The following DYM variants were observed in gnomAD, a reference collection of about 807,000 sequenced individuals.
The protein encoded by DYM is dyggve-Melchior-Clausen syndrome protein.
DYM carries 78 observed loss-of-function variants against 93.1 expected under a neutral mutation model. The observed-to-expected ratio is 0.84, with a 90% CI of 0.70 to 1.01. The LOEUF (loss-of-function observed/expected upper bound fraction) is 1.01. DYM is among the 50% of genes least tolerant of loss of function. DYM has a pLI of 0.00. For synonymous variants in DYM, 321 were observed against 319.7 expected, an observed-to-expected ratio of 1.00 and a Z score of -0.04; for missense variants, 789 against 845.0, an observed-to-expected ratio of 0.93 and a Z score of 0.82.
chr18:49,449,433 T>C (rs922376534), intron 1 of DYM, among the ~76,000 whole-genome samples: 34 of 152,186 alleles, frequency 2.2e-4, no homozygotes, highest in African/African-American at 7.2e-4. Context: ...TTGACAACCC[T>C]AACTGGAATC....
chr18:49,051,668 G>T (rs1159653838), intron 17 of DYM, among the ~76,000 whole-genome samples: 3 of 152,188 alleles, frequency 2.0e-5, no homozygotes, highest in Non-Finnish European at 2.9e-5. Flanking sequence ...AAAGGCTAAG[G>T]CTCCCAACTG....
rs1422449661 is a variant in DYM at position 49,272,209 on chromosome 18, T to A, written c.1220A>T (p.Asp407Val). The A allele has an allele frequency of 6.2e-7, 1 of 1,612,204 alleles. No individual in the cohort carries two copies. Among genetic ancestry groups the A allele is most frequent in the South Asian group, 1.1e-5 (1 of 91,026 alleles). Residue 407 changes from aspartate (D) to valine (V), a missense_variant, in exon 11 of 18, where the codon GAT becomes GTT. Asp to Val is a radical substitution (Grantham distance 152). Coordinates refer to ENST00000675505, the MANE Select transcript of DYM (RefSeq NM_001353214.3). ...ALIILLILTE[D>V]DGFNRSIHEV... ...ATGAATGGATCTGTTGAAGCCATCATCTTCCGTAAGGATCAACAATATTAT... is the reference window on the plus strand; with the variant it reads ...ATGAATGGATCTGTTGAAGCCATCAACTTCCGTAAGGATCAACAATATTAT...
rs1010966431 is a variant in DYM, at chr18:49,234,093, C to G, written c.1460+22917G>C. ...GCAGTGAGCCGTGATCGCACCACTG[C>G]ACTCCAGCCTGGGTAACAGAGCAAG... On this transcript the variant is annotated intron_variant, in intron 13 of 17. Transcript: ENST00000675505. Among the ~76,000 whole-genome samples the G allele has an allele frequency of 3.9e-5, 6 of 152,234 alleles. No homozygotes were observed. The East Asian group carries it at 5.8e-4, about 15-fold the overall frequency.
At chr18:49,453,349 C>T (rs558042750) in intron 1 of DYM, among the ~76,000 whole-genome samples, 2 of 152,288 alleles carry the variant, frequency 1.3e-5, no homozygotes, top group South Asian at 2.1e-4. Context: ...AGGTCCCCTT[C>T]CACACTGCGG....
chr18:49,362,713 C>T (rs1424674732), intron 6 of DYM, among the ~76,000 whole-genome samples: 1 of 152,178 alleles, frequency 6.6e-6, no homozygotes, highest in African/African-American at 2.4e-5. Flanking sequence ...CCTTCCCCTA[C>T]ATCTCACTGA....
intron 6 of DYM, among the ~76,000 whole-genome samples, chr18:49,336,052 G>A (rs2063644940): frequency 6.6e-6 from 1 of 152,130 alleles, no homozygotes; most frequent in Admixed American, 6.5e-5. Context: ...GTGCTCAAGT[G>A]ATCTGCCTGC....
intron 13 of DYM, among the ~76,000 whole-genome samples, chr18:49,236,353 G>A (rs531993918): frequency 9.9e-5 from 15 of 152,132 alleles, no homozygotes; most frequent in African/African-American, 3.1e-4. Flanking sequence ...GGTGGCAGGC[G>A]CCTGTAGTCC....
At chr18:49,267,926 T>C (rs2094599360) in intron 11 of DYM, among the ~76,000 whole-genome samples, 1 of 151,394 alleles carries the variant, frequency 6.6e-6, no homozygotes, top group African/African-American at 2.4e-5. Flanking sequence ...CAAACAAAAG[T>C]ATCAAATATC....
chr18:49,378,015 T>C (rs747377392), intron 5 of DYM, among the ~76,000 whole-genome samples: 1 of 152,178 alleles, frequency 6.6e-6, no homozygotes, highest in Non-Finnish European at 1.5e-5. Context: ...AAAGGAAAGA[T>C]TGTGTGAAGG....
Position 49,040,680 on chromosome 18 carries a change from A to G in DYM, c.*3375T>C, listed in dbSNP as rs574221485. ...TGATATTGCAGGATAGTGCCTAGGA[A>G]AGAATTAAGAGACCCAAAGGGTTGA... On this transcript the variant is annotated 3_prime_UTR_variant, in exon 18 of 18. Transcript: ENST00000675505. Among the ~76,000 whole-genome samples the G allele has an allele frequency of 6.6e-6, 1 of 152,278 alleles. No individual in the cohort carries two copies. Among genetic ancestry groups the G allele is most frequent in the African/African-American group, 2.4e-5 (1 of 41,558 alleles).
chr18:49,166,734 AT>A (rs2087924347), intron 14 of DYM, among the ~76,000 whole-genome samples: 1 of 152,186 alleles, frequency 6.6e-6, no homozygotes, highest in Non-Finnish European at 1.5e-5. Flanking sequence ...AATTTCAGAA[AT>A]TTTTTGAGGC....
chr18:49,279,620 T>TATAC lies in DYM; in HGVS notation c.1125+2373_1125+2376dup, dbSNP rs557506989. ...GACAGCTGCTCTCTGCACCATCTTATATACCTGCATCCTTACCATACAACT... is the reference window on the plus strand; with the variant it reads ...GACAGCTGCTCTCTGCACCATCTTATATACATACCTGCATCCTTACCATACAACT... On this transcript the variant is annotated intron_variant, in intron 10 of 17. Transcript: ENST00000675505. 2.6e-3 allele frequency among the ~76,000 whole-genome samples: 391 copies of TATAC among 152,350 alleles called. 3 individuals carry two copies. Among genetic ancestry groups the TATAC allele is most frequent in the African/African-American group, 9.0e-3 (375 of 41,588 alleles).
In DYM at chr18:49,286,442, T is replaced by C; in HGVS notation, c.938A>G (p.Asn313Ser). Residue 313 changes from asparagine (N) to serine (S), a missense_variant, in exon 9 of 18, where the codon AAC becomes AGC. Transcript: ENST00000675505. ...GAAAAAATACCACAAACCTTGTGTG[T>C]TCTTGAAGGACATAATGGCTTGTCT... Reference protein sequence around the residue: ...PYRQAIMSFKNTQDSSPFPSS... With the variant: ...PYRQAIMSFKSTQDSSPFPSS... The C allele has an allele frequency of 6.2e-7, 1 of 1,614,134 alleles. No individual in the cohort carries two copies. Among genetic ancestry groups the C allele is most frequent in the Non-Finnish European group, 8.5e-7 (1 of 1,179,974 alleles).
At chr18:49,072,070 T>A (rs2076936091) in intron 17 of DYM, among the ~76,000 whole-genome samples, 2 of 152,218 alleles carry the variant, frequency 1.3e-5, no homozygotes, top group South Asian at 4.1e-4. Context: ...CAAAATGAAA[T>A]GATTCAGTAC....
Position 49,118,908 on chromosome 18 carries a change from T to C in DYM, c.1747A>G (p.Ile583Val), listed in dbSNP as rs1178027979. ...AACATCATTCGAATCACTTCTTCAA[T>C]GACATTTAGGTCTTGTGCCTTATAG... ...LPDYAQDLNV[I>V]EEVIRMMLEI... The change falls in exon 16 of 18, where the codon ATT becomes GTT. Residue 583 changes from isoleucine (I) to valine (V), a missense_variant. Coordinates refer to ENST00000675505, the MANE Select transcript of DYM (RefSeq NM_001353214.3). 1 of 1,614,046 alleles carries C rather than the reference T, an allele frequency of 6.2e-7. No homozygotes were observed. Among genetic ancestry groups the C allele is most frequent in the Non-Finnish European group, 8.5e-7 (1 of 1,179,950 alleles).
At position 49,258,493 on chromosome 18, in the gene DYM, T is replaced by C. The variant is rs762597377; in HGVS notation, c.1252A>G (p.Ile418Val). The change falls in exon 12 of 18, where the codon ATA becomes GTA. Residue 418 changes from isoleucine to valine, a missense_variant and splice_region_variant. Physicochemically the swap from Ile to Val is conservative, Grantham distance 29. This residue lies in a region of DYM where 225 missense variants were observed against 303.0 expected (regional missense o/e 0.74). Transcript: ENST00000675505. ...DGFNRSIHEV[I>V]LKNITWYSER... ...GAATACCAAGTAATATTTTTTAGTA[T>C]CTGTAATGGGGAAGAAAAGTTTAAG... is the stretch of plus-strand genomic sequence containing the variant. The C allele has an allele frequency of 2.6e-6, 4 of 1,554,160 alleles. No individual in the cohort carries two copies. In the East Asian group the frequency reaches 9.0e-5, roughly 35 times the overall value.
Position 49,103,683 on chromosome 18 carries a change from T to G in DYM, c.1912-6168A>C, listed in dbSNP as rs911803943. Reference sequence around the variant, plus strand: ...TTAAATAGGGAATCCTTTCCCCATTTCTTGTTTTTGTCAGGTTTGTCAAAG... The same window carrying G: ...TTAAATAGGGAATCCTTTCCCCATTGCTTGTTTTTGTCAGGTTTGTCAAAG... On this transcript the variant is annotated intron_variant, in intron 16 of 17. Transcript: ENST00000675505. Among the ~76,000 whole-genome samples the G allele has an allele frequency of 9.3e-3, 1,413 of 152,276 alleles. 21 individuals carry two copies. The highest frequency in any genetic ancestry group is 0.032 in the African/African-American group (1,340 of 41,526).
chr18:49,090,437 T>C (rs1414094480), intron 17 of DYM, among the ~76,000 whole-genome samples: 2 of 152,118 alleles, frequency 1.3e-5, no homozygotes, highest in Admixed American at 1.3e-4. Context: ...GTGATAAAAA[T>C]AAAAACAGGA....
chr18:49,174,997 T>G (rs2145346322), intron 14 of DYM, among the ~76,000 whole-genome samples: 1 of 152,320 alleles, frequency 6.6e-6, no homozygotes, highest in South Asian at 2.1e-4. Context: ...ACTTGTCTCT[T>G]TTTACTTGCA....
Sources: allele counts gnomAD v4.1 joint callset (sites outside exome capture counted in the v4.1 genomes callset), GRCh38; gene constraint gnomAD v4.1.1; regional missense constraint gnomAD v4.1.1; transcripts MANE v1.5; gene names NCBI Gene and HGNC (gene_info 2026-07-23, HGNC 2026-07-21).